NBEA: variants seen among roughly 807,000 people sequenced by gnomAD.
The protein encoded by NBEA is lysosomal-trafficking regulator 2.
In NBEA, 44 loss-of-function variants were observed where a neutral mutation model predicts 343.4. The observed-to-expected ratio is 0.13, with a 90% CI of 0.10 to 0.16. NBEA has a LOEUF of 0.16. NBEA is among the 10% of genes least tolerant of loss of function. The pLI, the probability that NBEA is intolerant of heterozygous loss-of-function variation, is 1.00. For missense variants in NBEA, 2,555 were observed against 3,631.3 expected (o/e 0.70, Z 7.62); for synonymous variants, 1,175 against 1,238.7 (o/e 0.95, Z 1.08).
chr13:35,114,800 A>C (rs2066412379), intron 13 of NBEA, among the ~76,000 whole-genome samples: 1 of 152,162 alleles, frequency 6.6e-6, no homozygotes, highest in South Asian at 2.1e-4. Flanking sequence ...TAACATTTTA[A>C]TACTTTGAAA....
At chr13:35,642,044 G>A (rs1441007871) in intron 49 of NBEA, among the ~76,000 whole-genome samples, 1 of 152,110 alleles carries the variant, frequency 6.6e-6, no homozygotes. Flanking sequence ...ATATTTTCAT[G>A]TTATTCTACC....
At chr13:35,270,665 C>T (rs1468517085) in intron 34 of NBEA, among the ~76,000 whole-genome samples, 2 of 152,154 alleles carry the variant, frequency 1.3e-5, no homozygotes, top group Non-Finnish European at 2.9e-5. Context: ...ACCAGCAGAC[C>T]AGGAGACTCC....
chr13:35,016,589 T>C (rs111774654), intron 1 of NBEA, among the ~76,000 whole-genome samples: 1 of 148,174 alleles, frequency 6.7e-6, no homozygotes, highest in African/African-American at 2.5e-5. Flanking sequence ...TGTATGTGTA[T>C]ACACACACAC....
chr13:35,162,147 T>G (rs2069609363), intron 23 of NBEA, among the ~76,000 whole-genome samples, 180 bp downstream of exon 23: 1 of 152,114 alleles, frequency 6.6e-6, no homozygotes, highest in South Asian at 2.1e-4. Flanking sequence ...ATATATACTG[T>G]TTAAGTTTAA....
intron 1 of NBEA, among the ~76,000 whole-genome samples, chr13:35,013,446 C>G (rs2061551376): frequency 6.6e-6 from 1 of 151,538 alleles, no homozygotes; most frequent in African/African-American, 2.4e-5. Flanking sequence ...CCTTTATACA[C>G]ATTTATTAGC....
rs1291715441 is a variant in NBEA at position 34,942,532 on chromosome 13, A to AGCG, written c.-286_-284dup. ...AGAGAGCAGAGGCAGCGGCGGCGGC[A>AGCG]GCGGCAGCGGCAGCGGCACACCTGC... On this transcript the variant is annotated 5_prime_UTR_variant, in exon 1 of 59. Transcript: ENST00000379939. 5.7e-6 allele frequency: 1 copy of AGCG among 176,036 alleles called. No homozygotes were observed. Among genetic ancestry groups the AGCG allele is most frequent in the Non-Finnish European group, 9.9e-6 (1 of 100,540 alleles). The allele number at this position is 176,036 out of a possible 1,614,324, so 10.9% of individuals were successfully genotyped here.
intron 49 of NBEA, among the ~76,000 whole-genome samples, chr13:35,645,432 T>G (rs566404111): frequency 6.6e-6 from 1 of 152,326 alleles, no homozygotes; most frequent in Non-Finnish European, 1.5e-5. Flanking sequence ...TTAAGTTTCT[T>G]TTAAGATGAT....
chr13:35,061,975 A>C (rs542758458), intron 8 of NBEA, among the ~76,000 whole-genome samples: 19 of 151,824 alleles, frequency 1.3e-4, no homozygotes, highest in Admixed American at 9.9e-4. Context: ...TATTGTACGG[A>C]GTAGTAGTCA....
intron 11 of NBEA, among the ~76,000 whole-genome samples, chr13:35,108,113 C>T (rs558003029): frequency 4.0e-4 from 61 of 151,972 alleles, no homozygotes; most frequent in South Asian, 1.7e-3. Flanking sequence ...CAATTTCATC[C>T]CTTTTAAACT....
chr13:35,228,258 A>G (rs1275212477), intron 33 of NBEA, among the ~76,000 whole-genome samples: 5 of 152,122 alleles, frequency 3.3e-5, no homozygotes, highest in African/African-American at 4.8e-5. Context: ...ATAGAATTTC[A>G]TCTAAAGCCT....
intron 36 of NBEA, among the ~76,000 whole-genome samples, chr13:35,313,226 C>T (rs2037487777): frequency 6.6e-6 from 1 of 152,188 alleles, no homozygotes; most frequent in Non-Finnish European, 1.5e-5. Context: ...AGTTGTTACA[C>T]TCCCATGACA....
chr13:35,087,345 G>C lies in NBEA; in HGVS notation c.1572-10952G>C, dbSNP rs112415288. Among the ~76,000 whole-genome samples the C allele has an allele frequency of 6.2e-3, 947 of 151,848 alleles. 8 individuals carry two copies. The highest frequency in any genetic ancestry group is 0.022 in the African/African-American group (906 of 41,470). On this transcript the variant is annotated intron_variant, in intron 10 of 58. Transcript: ENST00000379939. ...TTTATATTAAAATGCTTCCACTAAA[G>C]TTGGTACCTAATCTTATATAAGGAA...
chr13:35,667,490 T>C lies in NBEA; in HGVS notation c.8581T>C (p.Tyr2861His). The C allele has an allele frequency of 5.6e-6, 9 of 1,614,016 alleles. No individual in the cohort carries two copies. Among genetic ancestry groups the C allele is most frequent in the Non-Finnish European group, 6.8e-6 (8 of 1,179,878 alleles). The part of the protein sequence containing the change: ...SVSSEGHCII[Y>H]YERGRFSNFS... ...CTCCAGCGAAGGCCACTGTATCATA[T>C]ACTATGAACGAGGGCGATTCAGTAA... Residue 2861 changes from tyrosine to histidine, a missense_variant, in exon 57 of 59, where the codon TAC (tyrosine) becomes CAC (histidine). By Grantham distance (83) the Tyr-to-His change is moderately conservative (BLOSUM62 2). Coordinates refer to ENST00000379939, the MANE Select transcript of NBEA (RefSeq NM_001385012.1).
chr13:35,208,660 A>T, intron 31 of NBEA, 40 bp from the exon 32 acceptor site: 2 of 1,501,956 alleles, frequency 1.3e-6, no homozygotes, highest in Non-Finnish European at 1.8e-6. Context: ...TTCATCTTCA[A>T]CCTCATGTTT....
At chr13:35,071,165 C>T (rs1343702558) in intron 10 of NBEA, among the ~76,000 whole-genome samples, 1 of 152,010 alleles carries the variant, frequency 6.6e-6, no homozygotes, top group Non-Finnish European at 1.5e-5. Flanking sequence ...TGCATATACT[C>T]ATGGTTTGAA....
At chr13:35,236,184 C>G (rs2075217658) in intron 34 of NBEA, among the ~76,000 whole-genome samples, 1 of 152,020 alleles carries the variant, frequency 6.6e-6, no homozygotes, top group Non-Finnish European at 1.5e-5. Flanking sequence ...AAAATATGAT[C>G]CTTTAAATTT....
At chr13:35,209,087 G>A (rs1184615931) in intron 32 of NBEA, among the ~76,000 whole-genome samples, 1 of 152,100 alleles carries the variant, frequency 6.6e-6, no homozygotes, top group Non-Finnish European at 1.5e-5. Context: ...AAACAGTGCT[G>A]TTTATTTTCA....
intron 1 of NBEA, among the ~76,000 whole-genome samples, chr13:34,962,988 G>A (rs2059707079): frequency 6.6e-6 from 1 of 152,028 alleles, no homozygotes; most frequent in Admixed American, 6.6e-5. Context: ...TTTCAGATGT[G>A]GAAACCTAGG....
At chr13:35,349,262 CA>C in intron 37 of NBEA, 46 bp downstream of exon 37, 6 of 1,084,528 alleles carry the variant, frequency 5.5e-6, no homozygotes, top group Admixed American at 4.2e-5. Flanking sequence ...TATTATAAGC[CA>C]AAAATCACCT....
Sources: allele counts gnomAD v4.1 joint callset (sites outside exome capture counted in the v4.1 genomes callset), GRCh38; gene constraint gnomAD v4.1.1; transcripts MANE v1.5; gene names NCBI Gene and HGNC (gene_info 2026-07-23, HGNC 2026-07-21).